Variants in TSPAN2 observed in about 807,000 individuals in gnomAD.
TSPAN2 encodes tetraspanin-2.
Under a neutral mutation model 33.3 loss-of-function variants are expected in TSPAN2, and 24 were observed. The observed-to-expected ratio is 0.72, with a 90% CI of 0.52 to 1.01. The LOEUF is 1.01. TSPAN2 is among the 50% of genes least tolerant of loss of function. The pLI is 0.00. For synonymous variants in TSPAN2, 114 were observed against 104.5 expected (o/e 1.09, Z -0.56); for missense variants, 278 against 281.3 (o/e 0.99, Z 0.08).
chr1:115,084,962 T>TG lies in TSPAN2; in HGVS notation c.69+4401dup, dbSNP rs1263330228. ...CAACAATGAACAGCTCTGCTTCCTG[T>TG]GGGTCAGTAACGCTGAGCAGCTAGT... On this transcript the variant is annotated intron_variant, in intron 1 of 7. Coordinates refer to ENST00000369516, the MANE Select transcript of TSPAN2 (RefSeq NM_005725.6). Among the ~76,000 whole-genome samples, 4 of 152,346 alleles carry TG rather than the reference T, an allele frequency of 2.6e-5. No homozygotes were observed. The East Asian group carries it at 7.7e-4, about 29-fold the overall frequency.
At chr1:115,050,750 T>A (rs1166645003) in intron 7 of TSPAN2, among the ~76,000 whole-genome samples, 195 bp from the exon 8 acceptor site, 1 of 152,206 alleles carries the variant, frequency 6.6e-6, no homozygotes, top group African/African-American at 2.4e-5. Flanking sequence ...TTTAAATGTG[T>A]ATTATTATTG....
At chr1:115,061,531 T>A (rs965283634) in intron 3 of TSPAN2, among the ~76,000 whole-genome samples, 1 of 152,198 alleles carries the variant, frequency 6.6e-6, no homozygotes, top group Non-Finnish European at 1.5e-5. Context: ...CCTCACCCAC[T>A]GTGAAATATT....
chr1:115,084,264 C>T (rs1648746045), intron 1 of TSPAN2, among the ~76,000 whole-genome samples: 1 of 152,130 alleles, frequency 6.6e-6, no homozygotes, highest in Admixed American at 6.5e-5. Context: ...ACAAAGTTCA[C>T]AGATATTAGT....
intron 2 of TSPAN2, 110 bp downstream of exon 2, chr1:115,072,795 T>C (rs1271739131): frequency 5.4e-6 from 5 of 928,702 alleles, no homozygotes; most frequent in African/African-American, 1.6e-5. Context: ...CGTCTTTCCC[T>C]GCCTCTCTGC....
chr1:115,062,461 C>T (rs1009277921), intron 2 of TSPAN2, among the ~76,000 whole-genome samples: 1 of 152,174 alleles, frequency 6.6e-6, no homozygotes, highest in Non-Finnish European at 1.5e-5. Flanking sequence ...CCATGAGCCT[C>T]AAAAGCCTGC....
At chr1:115,069,655 T>C (rs141326122) in intron 2 of TSPAN2, among the ~76,000 whole-genome samples, 1 of 152,230 alleles carries the variant, frequency 6.6e-6, no homozygotes, top group Non-Finnish European at 1.5e-5. Context: ...CTTTCAAGTA[T>C]GTAAGTCAAT....
intron 2 of TSPAN2, among the ~76,000 whole-genome samples, chr1:115,069,293 C>T (rs922698348): frequency 6.6e-6 from 1 of 152,178 alleles, no homozygotes; most frequent in African/African-American, 2.4e-5. Flanking sequence ...CATTCTCAGC[C>T]CATGTGGTTT....
rs1184998212 is a variant in TSPAN2 at position 115,049,468 on chromosome 1, C to T, written c.*1022G>A. ...ATGAAGAATTCTCTAGGTGGCTATA[C>T]AAGAAAAATACAAAAAGTTAGGAAA... On this transcript the variant is annotated 3_prime_UTR_variant, in exon 8 of 8. Transcript: ENST00000369516. 6.6e-6 allele frequency: 1 copy of T among 152,382 alleles called. No homozygotes were observed. 9.4% of individuals were successfully genotyped at this position (152,382 alleles called of 1,614,324 possible). A position where few individuals can be genotyped will look rare whatever the true frequency, so the allele number is the denominator to read the frequency against.
chr1:115,071,061 C>G (rs563828614), intron 2 of TSPAN2, among the ~76,000 whole-genome samples: 1 of 152,146 alleles, frequency 6.6e-6, no homozygotes, highest in South Asian at 2.1e-4. Flanking sequence ...TTTATGTCTA[C>G]GGCAGATTCC....
At chr1:115,051,367 T>C (rs186444683) in intron 7 of TSPAN2, among the ~76,000 whole-genome samples, 1 of 152,306 alleles carries the variant, frequency 6.6e-6, no homozygotes, top group Admixed American at 6.5e-5. Context: ...CAAACGATGC[T>C]TCACTGTTTA....
chr1:115,083,550 C>T (rs1648713713), intron 1 of TSPAN2, among the ~76,000 whole-genome samples: 1 of 152,184 alleles, frequency 6.6e-6, no homozygotes, highest in Admixed American at 6.5e-5. Flanking sequence ...AACAGGGGTT[C>T]TCAAAGCATG....
At chr1:115,051,244 G>A (rs1431039522) in intron 7 of TSPAN2, among the ~76,000 whole-genome samples, 1 of 152,078 alleles carries the variant, frequency 6.6e-6, no homozygotes, top group Non-Finnish European at 1.5e-5. Flanking sequence ...AGGAGGTCGA[G>A]GCTGCAGTGA....
At chr1:115,063,023 T>C (rs771266155) in intron 2 of TSPAN2, among the ~76,000 whole-genome samples, 1 of 152,250 alleles carries the variant, frequency 6.6e-6, no homozygotes, top group Non-Finnish European at 1.5e-5. Context: ...TTCCTGCTGT[T>C]CTAGCTCTAC....
chr1:115,081,479 A>C (rs527660595), intron 1 of TSPAN2, among the ~76,000 whole-genome samples: 7 of 152,314 alleles, frequency 4.6e-5, no homozygotes, highest in African/African-American at 1.7e-4. Flanking sequence ...TTCAGAATAT[A>C]TAATGATGCC....
At chr1:115,071,883 G>A (rs1032053628) in intron 2 of TSPAN2, among the ~76,000 whole-genome samples, 1 of 151,804 alleles carries the variant, frequency 6.6e-6, no homozygotes, top group Non-Finnish European at 1.5e-5. Flanking sequence ...CCTGCTCTGA[G>A]TGGGGCCTGC....
intron 1 of TSPAN2, among the ~76,000 whole-genome samples, chr1:115,082,463 T>C (rs912599663): frequency 1.4e-4 from 21 of 152,246 alleles, no homozygotes; most frequent in Admixed American, 2.0e-4. Context: ...CATAGGGTTG[T>C]TGTGAGGATT....
At chr1:115,055,328 A>T (rs918532862) in intron 6 of TSPAN2, among the ~76,000 whole-genome samples, 1 of 149,164 alleles carries the variant, frequency 6.7e-6, no homozygotes, top group Non-Finnish European at 1.5e-5. Flanking sequence ...TGGAAAAGAG[A>T]TTTTTTTTTT....
intron 1 of TSPAN2, among the ~76,000 whole-genome samples, chr1:115,081,261 C>T (rs747370646): frequency 1.3e-5 from 2 of 152,184 alleles, no homozygotes; most frequent in Non-Finnish European, 2.9e-5. Flanking sequence ...GCTAGATAGA[C>T]TCTGGCGGGA....
chr1:115,057,469 C>T (rs757555443), intron 6 of TSPAN2, 68 bp downstream of exon 6: 13 of 1,469,682 alleles, frequency 8.8e-6, no homozygotes, highest in Middle Eastern at 1.7e-4. Flanking sequence ...CGAGATTCTA[C>T]CTTCAATGGC....
Sources: allele counts gnomAD v4.1 joint callset (sites outside exome capture counted in the v4.1 genomes callset), GRCh38; gene constraint gnomAD v4.1.1; transcripts MANE v1.5; gene names NCBI Gene and HGNC (gene_info 2026-07-23, HGNC 2026-07-21).